Variants in PRKN observed in about 807,000 individuals in gnomAD.
PRKN encodes the protein parkin RBR E3 ubiquitin protein ligase.
PRKN carries 56 observed loss-of-function variants against 59.5 expected under a neutral mutation model. That is an observed-to-expected ratio of 0.94 (90% CI 0.76 to 1.18). PRKN has a LOEUF of 1.18. Among genes scored for constraint, PRKN ranks in the 50% most tolerant of loss-of-function variants. The pLI is 0.00. For missense variants in PRKN, 657 were observed against 596.4 expected (o/e 1.10, Z -1.06); for synonymous variants, 250 against 222.1 (o/e 1.13, Z -1.12).
At chr6:162,096,251 A>G (rs1278888634) in intron 4 of PRKN, among the ~76,000 whole-genome samples, 1 of 152,056 alleles carries the variant, frequency 6.6e-6, no homozygotes, top group Non-Finnish European at 1.5e-5. Context: ...GCTGCTTCTC[A>G]CTCTGTTCCC....
At chr6:161,607,635 G>A (rs1310324072) in intron 7 of PRKN, among the ~76,000 whole-genome samples, 2 of 152,176 alleles carry the variant, frequency 1.3e-5, no homozygotes, top group Non-Finnish European at 2.9e-5. Flanking sequence ...ATGGGAAACA[G>A]GAGATGGGAG....
At chr6:161,589,724 CAT>C (rs914167238) in intron 7 of PRKN, among the ~76,000 whole-genome samples, 39 of 150,776 alleles carry the variant, frequency 2.6e-4, no homozygotes, top group African/African-American at 9.3e-4. Context: ...TACCTGTGCA[CAT>C]GTTTTTTGTT....
chr6:162,574,338 TCAAG>T (rs1226573658), intron 1 of PRKN, among the ~76,000 whole-genome samples: 1 of 151,986 alleles, frequency 6.6e-6, no homozygotes, highest in African/African-American at 2.4e-5. Flanking sequence ...GTAGTTTGCT[TCAAG>T]GTTACATCTT....
intron 2 of PRKN, among the ~76,000 whole-genome samples, chr6:162,279,615 A>G (rs966650180): frequency 1.3e-5 from 2 of 152,082 alleles, no homozygotes; most frequent in African/African-American, 4.8e-5. Context: ...TATGTGGTCA[A>G]TTTTAGAACA....
rs540033566 is a variant in PRKN, at chr6:161,546,461, T to C, written c.1083+2393A>G. ...GACAAAGGGCAATGATGAAATCAAT[T>C]TATCTCTGCTGAGAAGCCAAAGCAA... On this transcript the variant is annotated intron_variant, in intron 9 of 11. Coordinates refer to ENST00000366898, the MANE Select transcript of PRKN (RefSeq NM_004562.3). This position sits in a 1 kb window ranked among gnomAD's most constrained non-coding sequence, Gnocchi z 4.4. Among the ~76,000 whole-genome samples the C allele has an allele frequency of 5.7e-4, 87 of 152,284 alleles. No homozygotes were observed. Among genetic ancestry groups the C allele is most frequent in the Non-Finnish European group, 6.9e-4 (47 of 68,028 alleles).
chr6:162,029,270 T>C (rs547350242), intron 5 of PRKN, among the ~76,000 whole-genome samples: 8 of 152,330 alleles, frequency 5.3e-5, no homozygotes, highest in African/African-American at 1.9e-4. Context: ...TTCCAGGTAA[T>C]TCTGTCTTAC....
At chr6:161,750,280 C>A (rs781236381) in intron 7 of PRKN, among the ~76,000 whole-genome samples, 2 of 152,106 alleles carry the variant, frequency 1.3e-5, no homozygotes, top group Non-Finnish European at 2.9e-5. Flanking sequence ...GACTTAGCAA[C>A]ACTACCAAAT....
In PRKN at chr6:161,618,910, C is replaced by A. The variant is rs146479258; in HGVS notation, c.872-49494G>T. ...CACCAGGTCAAGAAACCACAAAGGG[C>A]GCCATGGAGCTGCCAAGCTGACTTC... On this transcript the variant is annotated intron_variant, in intron 7 of 11. Coordinates refer to ENST00000366898, the MANE Select transcript of PRKN (RefSeq NM_004562.3). 4.4e-3 allele frequency among the ~76,000 whole-genome samples: 669 copies of A among 152,208 alleles called. 4 individuals carry two copies. Among genetic ancestry groups the A allele is most frequent in the African/African-American group, 0.016 (656 of 41,514 alleles).
chr6:161,611,522 G>A (rs1782489248), intron 7 of PRKN, among the ~76,000 whole-genome samples: 1 of 152,172 alleles, frequency 6.6e-6, no homozygotes, highest in Non-Finnish European at 1.5e-5. Context: ...TGTGATCAGT[G>A]ATCTTGGATG....
chr6:161,427,992 G>T (rs1461096221), intron 9 of PRKN, among the ~76,000 whole-genome samples: 1 of 152,124 alleles, frequency 6.6e-6, no homozygotes, highest in Non-Finnish European at 1.5e-5. Flanking sequence ...GGGCTCAGAG[G>T]GTCCCGACAG....
At chr6:161,725,299 G>C (rs1299756672) in intron 7 of PRKN, among the ~76,000 whole-genome samples, 1 of 152,076 alleles carries the variant, frequency 6.6e-6, no homozygotes, top group Non-Finnish European at 1.5e-5. Flanking sequence ...AAAGACAATG[G>C]GTAGGGTAAC....
intron 2 of PRKN, among the ~76,000 whole-genome samples, chr6:162,321,663 G>T (rs1783029351): frequency 6.6e-6 from 1 of 151,948 alleles, no homozygotes; most frequent in Non-Finnish European, 1.5e-5. Flanking sequence ...GATACATTGT[G>T]ACTGAATGGG....
intron 2 of PRKN, among the ~76,000 whole-genome samples, chr6:162,379,266 T>A (rs1415797815): frequency 1.3e-5 from 2 of 152,098 alleles, no homozygotes; most frequent in Non-Finnish European, 2.9e-5. Context: ...GTCTCATCAC[T>A]CCATGAGTGA....
chr6:161,716,575 A>G (rs1005000349), intron 7 of PRKN, among the ~76,000 whole-genome samples: 2 of 152,148 alleles, frequency 1.3e-5, no homozygotes, highest in Non-Finnish European at 2.9e-5. Context: ...CTGAGTACCT[A>G]TTGTGTTTAA....
chr6:162,521,698 G>A (rs1285249154), intron 1 of PRKN, among the ~76,000 whole-genome samples: 2 of 151,916 alleles, frequency 1.3e-5, no homozygotes, highest in African/African-American at 4.8e-5. Flanking sequence ...TATATATAAT[G>A]TATGTATTAT....
intron 7 of PRKN, among the ~76,000 whole-genome samples, chr6:161,723,193 C>T (rs765211780): frequency 4.0e-5 from 6 of 151,542 alleles, no homozygotes; most frequent in Admixed American, 1.3e-4. Context: ...GCTTGAACCC[C>T]AGGAGGCAGA....
At chr6:161,437,471 A>G (rs892024620) in intron 9 of PRKN, among the ~76,000 whole-genome samples, 31 of 152,178 alleles carry the variant, frequency 2.0e-4, no homozygotes, top group African/African-American at 7.2e-4. Context: ...GACTGTGAGT[A>G]CCAGAGACTG....
chr6:162,395,939 C>T (rs1413219320), intron 2 of PRKN, among the ~76,000 whole-genome samples: 1 of 152,196 alleles, frequency 6.6e-6, no homozygotes, highest in Non-Finnish European at 1.5e-5. Context: ...AGAACTCAGG[C>T]ACTGTGCTGT....
chr6:161,405,953 T>C lies in PRKN; in HGVS notation c.1084-19076A>G, dbSNP rs1363513844. Among the ~76,000 whole-genome samples the C allele has an allele frequency of 6.6e-6, 1 of 152,110 alleles. No homozygotes were observed. The highest frequency in any genetic ancestry group is 1.5e-5 in the Non-Finnish European group (1 of 68,030). ...TCAAGTTAATTTCAAGGATCTAAAA[T>C]AAACATATATCTGACACTGGCTCAG... On this transcript the variant is annotated intron_variant, in intron 9 of 11. Coordinates refer to ENST00000366898, the MANE Select transcript of PRKN (RefSeq NM_004562.3). The surrounding 1 kb of genome is among the most constrained non-coding windows in gnomAD (Gnocchi z 5.1).
Sources: gnomAD v4.1 joint callset for allele counts (sites outside exome capture counted in the v4.1 genomes callset) on GRCh38, gnomAD v4.1.1 for gene constraint, Gnocchi (gnomAD v3.1) non-coding constraint, MANE v1.5 for transcripts, NCBI Gene and HGNC (gene_info 2026-07-23, HGNC 2026-07-21) for gene names.